GAS5: variants seen among roughly 807,000 people sequenced by gnomAD.
GAS5 encodes the protein growth arrest specific 5, also known as growth arrest specific 5 (non-protein coding).
intron 6 of GAS5, chr1:173,865,006 G>C (rs915615978): frequency 8.7e-6 from 4 of 462,302 alleles, no homozygotes; most frequent in African/African-American, 4.0e-5. Flanking sequence ...TATCACTTGA[G>C]GTCAAGAGTT....
chr1:173,866,718 T>C (rs192476665), intron 2 of GAS5: 50 of 765,482 alleles, frequency 6.5e-5, no homozygotes, highest in African/African-American at 6.2e-4. Context: ...TTGTGGCACA[T>C]CCAATGGCTT....
intron 6 of GAS5, chr1:173,864,802 G>C (rs762416277): frequency 1.9e-6 from 1 of 518,550 alleles, no homozygotes; most frequent in Non-Finnish European, 3.8e-6. Flanking sequence ...TCCCCTTTTC[G>C]GGGCATAAAC....
At chr1:173,865,531 A>T (rs1654452602) in exon 6 of GAS5, 1 of 514,272 alleles carries the variant, frequency 1.9e-6, no homozygotes, top group African/African-American at 1.9e-5. Flanking sequence ...ATCCATGGAT[A>T]AAAACGTTAC....
At chr1:173,864,993 C>T (rs1654336627) in intron 6 of GAS5, 11 of 483,094 alleles carry the variant, frequency 2.3e-5, no homozygotes, top group Non-Finnish European at 1.7e-5. Flanking sequence ...TCAGTGCGGG[C>T]AGTATCACTT....
At chr1:173,868,168 T>C (rs55829688), upstream of GAS5, 31,836 of 158,372 alleles carry the variant, frequency 0.2, 3,451 homozygotes, top group Middle Eastern at 0.36. Flanking sequence ...CTCGCCATTG[T>C]GGGCAGAGAC....
At chr1:173,866,878 A>T in intron 1 of GAS5, 1 of 765,540 alleles carries the variant, frequency 1.3e-6, no homozygotes, top group African/African-American at 1.7e-5. Flanking sequence ...GTTAACATTA[A>T]AGCCTCAGAA....
At chr1:173,867,013 A>G (rs745778323) in exon 1 of GAS5, 15 of 764,408 alleles carry the variant, frequency 2.0e-5, no homozygotes, top group Non-Finnish European at 3.6e-5. Flanking sequence ...TGCTATCCAG[A>G]GCCACACTGC....
intron 5 of GAS5, chr1:173,865,717 CACAT>C (rs778473861): frequency 1.9e-6 from 1 of 519,208 alleles, no homozygotes; most frequent in Non-Finnish European, 3.8e-6. Flanking sequence ...TCAAGGAAAA[CACAT>C]AAACACTGTT....
rs776568017 is a variant in GAS5, at chr1:173,866,948, T to C, written n.55+43A>G. The C allele has an allele frequency of 6.5e-6, 5 of 765,306 alleles. No individual in the cohort carries two copies. The African/African-American group carries it at 8.5e-5, about 13-fold the overall frequency. The allele number at this position is 765,306 out of a possible 1,614,324, so 47.4% of individuals were successfully genotyped here. ...TAAAGCATCACAGGCTGAGACCACC[T>C]CTTAGATTTCATTCTTCCCACCATA... On this transcript the variant is annotated intron_variant and non_coding_transcript_variant, in intron 1 of 7. Transcript: ENST00000651080.
At chr1:173,866,800 G>A (rs112727149) in intron 1 of GAS5, 1 of 764,944 alleles carries the variant, frequency 1.3e-6, no homozygotes, top group African/African-American at 1.7e-5. Context: ...GACACAACTA[G>A]AAAACAAAAA....
At chr1:173,867,027 T>C (rs1437991470) in exon 1 of GAS5, 2 of 762,210 alleles carry the variant, frequency 2.6e-6, no homozygotes, top group South Asian at 1.3e-5. Context: ...ACACTGCATC[T>C]GCACCCAGCA....
chr1:173,867,953 A>G (rs79315403), upstream of GAS5: 11,196 of 357,370 alleles, frequency 0.031, 281 homozygotes, highest in Non-Finnish European at 0.047. Flanking sequence ...GCAAAGATAA[A>G]ACATACCTCA....
At chr1:173,868,566 C>T (rs936460389), upstream of GAS5, among the ~76,000 whole-genome samples, 8 of 152,212 alleles carry the variant, frequency 5.3e-5, no homozygotes, top group African/African-American at 1.4e-4. Flanking sequence ...ACCCCCTTGG[C>T]CCCCGGCCGG....
At chr1:173,865,803 A>G (rs971101548) in intron 5 of GAS5, 4 of 515,512 alleles carry the variant, frequency 7.8e-6, no homozygotes, top group East Asian at 5.5e-5. Flanking sequence ...AGCAGTAAGC[A>G]TATCACCATC....
chr1:173,866,584 T>TCATGTGAACTTAGGTGTACTCTCTTC, intron 2 of GAS5: 1 of 761,532 alleles, frequency 1.3e-6, no homozygotes, highest in Non-Finnish European at 2.4e-6. Flanking sequence ...AGAAACAACT[T>TCATGTGAACTTAGGTGTACTCTCTTC]CATGTGAACT....
intron 6 of GAS5, chr1:173,864,969 A>G: frequency 3.9e-6 from 2 of 508,496 alleles, no homozygotes; most frequent in Non-Finnish European, 4.0e-6. Flanking sequence ...CTGTAATCCC[A>G]GCACTTTGGG....
chr1:173,867,072 C>A (rs1423525511), upstream of GAS5: 2 of 678,382 alleles, frequency 2.9e-6, no homozygotes, highest in East Asian at 5.0e-5. Flanking sequence ...GATTTTAATT[C>A]ATTGTTCCAC....
chr1:173,867,101 G>T (rs1345657457), upstream of GAS5: 1 of 619,836 alleles, frequency 1.6e-6, no homozygotes, highest in Non-Finnish European at 2.9e-6. Context: ...TTTTTAAAGA[G>T]TGTTCTTTAA....
intron 6 of GAS5, chr1:173,864,528 T>C (rs999651610): frequency 7.1e-6 from 3 of 423,566 alleles, no homozygotes; most frequent in Admixed American, 6.1e-5. Flanking sequence ...TGAAAAATAA[T>C]ACCCATTTAA....
Sources: allele counts gnomAD v4.1 joint callset (sites outside exome capture counted in the v4.1 genomes callset), GRCh38; gene constraint gnomAD v4.1.1; transcripts MANE v1.5; gene names NCBI Gene and HGNC (gene_info 2026-07-23, HGNC 2026-07-21).